NUDT9: variants seen among roughly 807,000 people sequenced by gnomAD.
The protein encoded by NUDT9 is ADP-ribose pyrophosphatase.
A neutral mutation model predicts 41.0 loss-of-function variants in NUDT9; 31 were observed. The ratio of observed to expected loss-of-function variants is 0.76; its 90% confidence interval spans 0.57 to 1.02. The LOEUF is 1.02. Ranked by LOEUF, NUDT9 falls within the 50% of genes least tolerant of loss-of-function variation. The pLI is 0.00. For synonymous variants in NUDT9, 146 were observed against 147.6 expected, an observed-to-expected ratio of 0.99 and a Z score of 0.08; for missense variants, 380 against 431.4, an observed-to-expected ratio of 0.88 and a Z score of 1.06.
intron 7 of NUDT9, among the ~76,000 whole-genome samples, chr4:87,455,224 G>A (rs1451775844): frequency 6.6e-6 from 1 of 152,150 alleles, no homozygotes; most frequent in African/African-American, 2.4e-5. Flanking sequence ...TACAAAATGG[G>A]CTAGAACTAG....
At chr4:87,438,415 A>G in intron 3 of NUDT9, 43 bp downstream of exon 3, 1 of 1,026,642 alleles carries the variant, frequency 9.7e-7, no homozygotes, top group Non-Finnish European at 1.5e-6. Flanking sequence ...TGAGTCACCA[A>G]AAAGTAGAAA....
chr4:87,455,633 CTT>C (rs1722951368), intron 7 of NUDT9, among the ~76,000 whole-genome samples: 8 of 148,150 alleles, frequency 5.4e-5, no homozygotes, highest in African/African-American at 2.0e-4. Context: ...TTTTAGCGTG[CTT>C]TTAGTGCTTT....
At position 87,438,373 on chromosome 4, in the gene NUDT9, G is replaced by T. The variant is rs1460865859; in HGVS notation, c.443+1G>T. ...ATGAGATTGAAAATGGAAGACCGAGGTAGGTACTGGGAGCAGAGCATCTTA... is the reference window on the plus strand; with the variant it reads ...ATGAGATTGAAAATGGAAGACCGAGTTAGGTACTGGGAGCAGAGCATCTTA... On this transcript the variant is annotated splice_donor_variant, in intron 3 of 7. Coordinates refer to ENST00000302174, the MANE Select transcript of NUDT9 (RefSeq NM_024047.5). LOFTEE classifies it high-confidence loss of function. 19 of 1,549,816 alleles carry T rather than the reference G, an allele frequency of 1.2e-5. No homozygotes were observed. Among genetic ancestry groups the T allele is most frequent in the Admixed American group, 3.3e-5 (2 of 59,870 alleles).
In NUDT9 at chr4:87,435,009, C is replaced by T. The variant is rs1402745793; in HGVS notation, c.136C>T (p.Leu46Phe). Residue 46 changes from leucine (L) to phenylalanine (F), a missense_variant, in exon 2 of 8, where the codon CTT (leucine) becomes TTT (phenylalanine). By Grantham distance (22) the Leu-to-Phe change is conservative. Coordinates refer to ENST00000302174, the MANE Select transcript of NUDT9 (RefSeq NM_024047.5). ...CTCGTTTTCATCTTCTTGGTTTCAT[C>T]TTAATACCAACGTCATGTCTGGTTC... is the stretch of plus-strand genomic sequence containing the variant. ...RNSFSSSWFH[L>F]NTNVMSGSNG... 3.1e-6 allele frequency: 5 copies of T among 1,613,346 alleles called. No homozygotes were observed. In the Admixed American group the frequency reaches 8.3e-5, roughly 27 times the overall value.
At chr4:87,452,606 G>A (rs1423715315) in intron 6 of NUDT9, among the ~76,000 whole-genome samples, 9 of 151,568 alleles carry the variant, frequency 5.9e-5, no homozygotes, top group East Asian at 2.0e-4. Flanking sequence ...AAACACCACC[G>A]CACTGGGCTA....
At chr4:87,429,846 T>TC (rs1244786390) in intron 1 of NUDT9, among the ~76,000 whole-genome samples, 4 of 151,976 alleles carry the variant, frequency 2.6e-5, no homozygotes, top group Admixed American at 1.3e-4. Flanking sequence ...GCACCTTATT[T>TC]CCTAGCCCAT....
At chr4:87,439,985 C>T (rs1005741184) in intron 3 of NUDT9, among the ~76,000 whole-genome samples, 1 of 152,202 alleles carries the variant, frequency 6.6e-6, no homozygotes, top group Non-Finnish European at 1.5e-5. Flanking sequence ...CTCCTCTCAT[C>T]TCAACCTGGT....
chr4:87,432,583 T>A (rs2110164937), intron 1 of NUDT9, among the ~76,000 whole-genome samples: 1 of 152,328 alleles, frequency 6.6e-6, no homozygotes, highest in East Asian at 1.9e-4. Flanking sequence ...CCTTGTCTTG[T>A]TCCTGATCTT....
At chr4:87,424,230 A>G (rs566501573) in intron 1 of NUDT9, among the ~76,000 whole-genome samples, 1 of 144,390 alleles carries the variant, frequency 6.9e-6, no homozygotes, top group East Asian at 2.2e-4. Context: ...CTCAGCTTGT[A>G]GGAATAGCAT....
In NUDT9 at chr4:87,422,923, G is replaced by A; in HGVS notation, c.18G>A (p.Leu6=). MAGRL[L]GKALAAVSLS... is the part of the protein sequence containing the mutation. ...GGGCGCTCATGGCGGGACGCCTCCTGGGAAAGGCTTTAGCCGCGGTGTCTC... is the reference window on the plus strand; with the variant it reads ...GGGCGCTCATGGCGGGACGCCTCCTAGGAAAGGCTTTAGCCGCGGTGTCTC... Residue 6 remains leucine, a synonymous_variant, in exon 1 of 8, where the codon CTG becomes CTA. Transcript: ENST00000302174. 2 of 1,611,428 alleles carry A rather than the reference G, an allele frequency of 1.2e-6. No individual in the cohort carries two copies. The highest frequency in any genetic ancestry group is 1.7e-6 in the Non-Finnish European group (2 of 1,179,710).
chr4:87,459,029 A>G lies in NUDT9; in HGVS notation c.*1008A>G, dbSNP rs778857198. ...CTGCACTATTCACAATAGCGAAGAC[A>G]TGAAATCAACCTAAATGTTCATCAG... On this transcript the variant is annotated 3_prime_UTR_variant, in exon 8 of 8. Transcript: ENST00000302174. 6.6e-6 allele frequency: 1 copy of G among 152,248 alleles called. No individual in the cohort carries two copies. The highest frequency in any genetic ancestry group is 6.5e-5 in the Admixed American group (1 of 15,280). 9.4% of individuals were successfully genotyped at this position (152,248 alleles called of 1,614,324 possible).
chr4:87,457,537 A>T (rs182691752), intron 7 of NUDT9, among the ~76,000 whole-genome samples: 15 of 152,174 alleles, frequency 9.9e-5, no homozygotes, highest in African/African-American at 3.6e-4. Context: ...TCTTGGACTG[A>T]TTTTGATGTA....
At chr4:87,438,786 A>T (rs1048990146) in intron 3 of NUDT9, among the ~76,000 whole-genome samples, 1 of 152,230 alleles carries the variant, frequency 6.6e-6, no homozygotes, top group Non-Finnish European at 1.5e-5. Flanking sequence ...TATACTTTTT[A>T]AAAAATGATT....
rs1432081256 is a variant in NUDT9 at position 87,454,453 on chromosome 4, C to T, written c.872C>T (p.Thr291Ile). Residue 291 changes from threonine (T) to isoleucine (I), a missense_variant and splice_region_variant, in exon 7 of 8, where the codon ACA becomes ATA. Coordinates refer to ENST00000302174, the MANE Select transcript of NUDT9 (RefSeq NM_024047.5). ...GAAGCTGTGAACTACCATGACGAAA[C>T]AGGTAACTTTATATTTATTAAACTG... ...ETEAVNYHDE[T>I]GEIMDNLMLE... is the part of the protein sequence containing the mutation. The T allele has an allele frequency of 3.1e-6, 5 of 1,589,990 alleles. No homozygotes were observed. Among genetic ancestry groups the T allele is most frequent in the Non-Finnish European group, 4.3e-6 (5 of 1,158,216 alleles).
chr4:87,451,885 C>T (rs978046957), intron 6 of NUDT9, 150 bp downstream of exon 6: 1 of 653,442 alleles, frequency 1.5e-6, no homozygotes, highest in Non-Finnish European at 2.5e-6. Flanking sequence ...TACAGATCTT[C>T]ACTGTAAATA....
At chr4:87,445,418 G>A (rs1360635769) in intron 4 of NUDT9, 5 of 152,082 alleles carry the variant, frequency 3.3e-5, no homozygotes, top group African/African-American at 9.7e-5. Flanking sequence ...TCAAAACAGC[G>A]TTGTTCAGGA....
intron 1 of NUDT9, among the ~76,000 whole-genome samples, chr4:87,426,793 T>G (rs556922909): frequency 6.6e-6 from 1 of 151,788 alleles, no homozygotes; most frequent in East Asian, 1.9e-4. Flanking sequence ...CTCAGCACTT[T>G]GGAAGTCCGA....
chr4:87,449,180 C>T lies in NUDT9; in HGVS notation c.569C>T (p.Pro190Leu), dbSNP rs754147994. ...AGCAGTGGAAATAAAATCATGCATC[C>T]TGTTTCTGGGAAGCATATCTTACAA... ...RDSSGNKIMH[P>L]VSGKHILQFV... is the part of the protein sequence containing the mutation. The change falls in exon 5 of 8, where the codon CCT becomes CTT. Residue 190 changes from proline (P) to leucine (L), a missense_variant. Coordinates refer to ENST00000302174, the MANE Select transcript of NUDT9 (RefSeq NM_024047.5). The T allele has an allele frequency of 1.1e-5, 18 of 1,610,734 alleles. No individual in the cohort carries two copies. The highest frequency in any genetic ancestry group is 8.9e-5 in the East Asian group (4 of 44,794).
chr4:87,454,432 CT>C lies in NUDT9; in HGVS notation c.852del (p.Val285Ter). ...GATAATGCATGGATGGAGACAGAAG[CT>C]GTGAACTACCATGACGAAACAGGTA... ...NTDNAWMETE[A>X]VNYHDETGEI... On this transcript the variant is annotated frameshift_variant, in exon 7 of 8. Coordinates refer to ENST00000302174, the MANE Select transcript of NUDT9 (RefSeq NM_024047.5). LOFTEE classifies it high-confidence loss of function. The C allele has an allele frequency of 6.2e-7, 1 of 1,608,520 alleles. No homozygotes were observed. The highest frequency in any genetic ancestry group is 8.5e-7 in the Non-Finnish European group (1 of 1,174,990).
Sources: gnomAD v4.1 joint callset for allele counts (sites outside exome capture counted in the v4.1 genomes callset) on GRCh38, gnomAD v4.1.1 for gene constraint, MANE v1.5 for transcripts, NCBI Gene and HGNC (gene_info 2026-07-23, HGNC 2026-07-21) for gene names.